Variants in USP8 observed in about 807,000 individuals in gnomAD.
USP8 encodes ubiquitin specific peptidase 8, also known as ubiquitin carboxyl-terminal hydrolase 8.
A neutral mutation model predicts 130.0 loss-of-function variants in USP8; 27 were observed. The ratio of observed to expected loss-of-function variants is 0.21; its 90% CI spans 0.15 to 0.29. USP8 has a LOEUF of 0.29. Among genes scored for constraint, USP8 ranks in the 10% least tolerant of loss-of-function variants. The pLI is 1.00. For missense variants in USP8, 1,029 were observed against 1,312.2 expected, an observed-to-expected ratio of 0.78 and a Z score of 3.33; for synonymous variants, 392 against 444.1, an observed-to-expected ratio of 0.88 and a Z score of 1.48.
At chr15:50,475,679 T>A (rs191729328) in intron 8 of USP8, among the ~76,000 whole-genome samples, 1 of 152,320 alleles carries the variant, frequency 6.6e-6, no homozygotes, top group Non-Finnish European at 1.5e-5. Context: ...CTTGGCTCAC[T>A]GCAACCTCCG....
intron 3 of USP8, among the ~76,000 whole-genome samples, chr15:50,444,109 T>TTG (rs1555527587): frequency 6.7e-6 from 1 of 149,482 alleles, no homozygotes; most frequent in African/African-American, 2.5e-5. Flanking sequence ...TTTTTTTTTT[T>TTG]TTTTTTTTTT....
chr15:50,452,532 A>C (rs2050657890), intron 4 of USP8, among the ~76,000 whole-genome samples: 1 of 152,222 alleles, frequency 6.6e-6, no homozygotes, highest in African/African-American at 2.4e-5. Flanking sequence ...TCTGCCCTCA[A>C]ATTGGATTTA....
At position 50,489,814 on chromosome 15, in the gene USP8, C is replaced by T; in HGVS notation, c.1904C>T (p.Pro635Leu). ...TATTTTAATTAGGCTCAACGAGAAC[C>T]TTTGACAAGAGCACGAAGTGAAGAA... is the stretch of plus-strand genomic sequence containing the variant. ...DTERNKAQRE[P>L]LTRARSEEMG... The change falls in exon 13 of 20, where the codon CCT (proline) becomes CTT (leucine). Residue 635 changes from proline to leucine, a missense_variant. By Grantham distance (98) the Pro-to-Leu change is moderately conservative. This residue lies in a region of USP8 where 486 missense variants were observed against 522.0 expected (regional missense o/e 0.93). Transcript: ENST00000307179. 6.4e-7 allele frequency: 1 copy of T among 1,553,066 alleles called. No homozygotes were observed. Among genetic ancestry groups the T allele is most frequent in the South Asian group, 1.3e-5 (1 of 77,984 alleles).
Position 50,484,289 on chromosome 15 carries a change from A to G in USP8, c.1818A>G (p.Lys606=). The change falls in exon 12 of 20, where the codon AAA becomes AAG. Residue 606 remains lysine, a synonymous_variant. Transcript: ENST00000307179. ...DSGSGKPFKI[K]GQPESGILRT... Reference sequence around the variant, plus strand: ...TAATTTTACAGCCATTTAAGATTAAAGGACAACCAGAAAGTGGAATTCTAA... The same window carrying G: ...TAATTTTACAGCCATTTAAGATTAAGGGACAACCAGAAAGTGGAATTCTAA... The G allele has an allele frequency of 6.2e-7, 1 of 1,610,810 alleles. No individual in the cohort carries two copies. Among genetic ancestry groups the G allele is most frequent in the Non-Finnish European group, 8.5e-7 (1 of 1,178,816 alleles).
rs1405307207 is a variant in USP8, at chr15:50,504,536, A to T, written c.*5448A>T. 1 of 152,218 alleles carries T rather than the reference A, an allele frequency of 6.6e-6. No homozygotes were observed. Among genetic ancestry groups the T allele is most frequent in the African/African-American group, 2.4e-5 (1 of 41,428 alleles). The allele number at this position is 152,218 out of a possible 1,614,324, so 9.4% of individuals were successfully genotyped here. On this transcript the variant is annotated 3_prime_UTR_variant, in exon 20 of 20. Transcript: ENST00000307179. Reference sequence around the variant, plus strand: ...AGACCTTGTCTCAAAAAACAAAAACAAAAAACACCAGAAAAGACACCATTT... The same window carrying T: ...AGACCTTGTCTCAAAAAACAAAAACTAAAAACACCAGAAAAGACACCATTT...
chr15:50,450,838 GTAGA>G (rs1445209038), intron 4 of USP8, among the ~76,000 whole-genome samples: 1 of 152,060 alleles, frequency 6.6e-6, no homozygotes, highest in Non-Finnish European at 1.5e-5. Context: ...GTAGATCCTA[GTAGA>G]TAAATTTCTG....
At chr15:50,468,317 C>T (rs1406752820) in intron 7 of USP8, among the ~76,000 whole-genome samples, 1 of 148,364 alleles carries the variant, frequency 6.7e-6, no homozygotes, top group East Asian at 2.0e-4. Context: ...CTCACTGCAA[C>T]CTCTGCCTTC....
chr15:50,469,463 G>A (rs1438114347), intron 7 of USP8, among the ~76,000 whole-genome samples: 1 of 152,066 alleles, frequency 6.6e-6, no homozygotes, highest in Non-Finnish European at 1.5e-5. Context: ...TATACCCCTA[G>A]GGTTGGAAAT....
rs2052640536 is a variant in USP8, at chr15:50,505,051, A to C, written c.*5963A>C. The C allele has an allele frequency of 6.6e-6, 1 of 152,062 alleles. No individual in the cohort carries two copies. Among genetic ancestry groups the C allele is most frequent in the African/African-American group, 2.4e-5 (1 of 41,412 alleles). 9.4% of individuals were successfully genotyped at this position (152,062 alleles called of 1,614,324 possible). A position where few individuals can be genotyped will look rare whatever the true frequency, so the allele number is the denominator to read the frequency against. On this transcript the variant is annotated 3_prime_UTR_variant, in exon 20 of 20. Transcript: ENST00000307179. The stretch of plus-strand genomic sequence containing the variant: ...ATTAGCAAGAATGGAGTAGTGATGG[A>C]GAATACGTGTTAAGAGGCATGAAAA...
chr15:50,493,534 C>T, intron 15 of USP8: 1 of 514,798 alleles, frequency 1.9e-6, no homozygotes, highest in Non-Finnish European at 3.9e-6. Flanking sequence ...GGGCAGATCA[C>T]TTGGGGCCCA....
At chr15:50,482,351 G>T (rs936732524) in intron 11 of USP8, among the ~76,000 whole-genome samples, 1 of 152,100 alleles carries the variant, frequency 6.6e-6, no homozygotes, top group Non-Finnish European at 1.5e-5. Context: ...TCATTTTTAT[G>T]TTTGATGTAT....
intron 3 of USP8, among the ~76,000 whole-genome samples, chr15:50,447,353 G>T (rs1356459075): frequency 6.6e-6 from 1 of 152,132 alleles, no homozygotes; most frequent in African/African-American, 2.4e-5. Context: ...CAATTCTCTT[G>T]CCTCAGCCTT....
chr15:50,452,047 G>T (rs2141269536), intron 4 of USP8, among the ~76,000 whole-genome samples: 1 of 152,310 alleles, frequency 6.6e-6, no homozygotes, highest in Non-Finnish European at 1.5e-5. Context: ...ATGGTCCCAG[G>T]TGCGGCCGCT....
At chr15:50,468,630 A>G (rs1333990823) in intron 7 of USP8, among the ~76,000 whole-genome samples, 3 of 152,100 alleles carry the variant, frequency 2.0e-5, no homozygotes, top group African/African-American at 7.2e-5. Context: ...GGTTTGTTGT[A>G]CATACATATT....
At chr15:50,437,978 A>G (rs1354873021) in intron 1 of USP8, among the ~76,000 whole-genome samples, 2 of 152,232 alleles carry the variant, frequency 1.3e-5, no homozygotes, top group African/African-American at 4.8e-5. Flanking sequence ...TGGAGCAAGT[A>G]TAGATAGAAA....
intron 4 of USP8, among the ~76,000 whole-genome samples, chr15:50,455,370 G>A (rs527315183): frequency 6.2e-5 from 9 of 145,898 alleles, no homozygotes; most frequent in South Asian, 4.8e-4. Context: ...GAGCCACTGC[G>A]CCCAGCCCAA....
intron 3 of USP8, among the ~76,000 whole-genome samples, chr15:50,441,864 A>G (rs1036956827): frequency 6.6e-6 from 1 of 151,926 alleles, no homozygotes; most frequent in Non-Finnish European, 1.5e-5. Flanking sequence ...TTAAGAGTCA[A>G]GGTTTAGTCT....
intron 8 of USP8, among the ~76,000 whole-genome samples, chr15:50,476,021 G>A (rs1341277280): frequency 6.6e-6 from 1 of 152,168 alleles, no homozygotes; most frequent in East Asian, 1.9e-4. Context: ...TCCTTAAGGA[G>A]GTGACTAGGT....
chr15:50,460,218 G>A (rs910797079), intron 5 of USP8, among the ~76,000 whole-genome samples: 2 of 149,408 alleles, frequency 1.3e-5, no homozygotes, highest in Admixed American at 6.7e-5. Flanking sequence ...GGCTGGTCTC[G>A]AACTCCTGAC....
Sources: gnomAD v4.1 joint callset for allele counts (sites outside exome capture counted in the v4.1 genomes callset) on GRCh38, gnomAD v4.1.1 for gene constraint, gnomAD v4.1.1 regional missense constraint, MANE v1.5 for transcripts, NCBI Gene and HGNC (gene_info 2026-07-23, HGNC 2026-07-21) for gene names.